APTX: variants seen among roughly 807,000 people sequenced by gnomAD.
APTX encodes forkhead-associated domain histidine triad-like protein.
In APTX, 33 loss-of-function variants were observed where a neutral mutation model predicts 42.3. The observed-to-expected ratio is 0.78, with a 90% CI of 0.59 to 1.04. The LOEUF is 1.04. APTX is among the 50% of genes least tolerant of loss of function. The pLI, the probability that APTX is intolerant of heterozygous loss-of-function variation, is 0.00. For missense variants in APTX, 421 were observed against 415.1 expected (o/e 1.01, Z -0.12); for synonymous variants, 130 against 146.7 (o/e 0.89, Z 0.82).
At chr9:33,023,715 A>C (rs933448075) in intron 1 of APTX, among the ~76,000 whole-genome samples, 9 of 152,258 alleles carry the variant, frequency 5.9e-5, no homozygotes, top group African/African-American at 2.2e-4. Flanking sequence ...CGTATATGGG[A>C]AACTGCGGAT....
chr9:32,994,291 G>A (rs529866009), intron 1 of APTX, among the ~76,000 whole-genome samples: 5 of 152,086 alleles, frequency 3.3e-5, no homozygotes, highest in Non-Finnish European at 7.4e-5. Flanking sequence ...ATAACTCCAC[G>A]TGGCTGGGGG....
chr9:32,999,301 G>C (rs1434193592), intron 1 of APTX, among the ~76,000 whole-genome samples: 1 of 152,194 alleles, frequency 6.6e-6, no homozygotes. Flanking sequence ...CAAAAGGTGA[G>C]GAAATGGAGG....
At chr9:33,025,015 T>C (rs112104275) in intron 1 of APTX, 2 of 152,468 alleles carry the variant, frequency 1.3e-5, no homozygotes, top group South Asian at 2.1e-4. Flanking sequence ...TCCTGGGCCA[T>C]GCCCCACCAG....
chr9:33,008,045 C>T (rs1211687951), intron 1 of APTX, among the ~76,000 whole-genome samples: 2 of 152,150 alleles, frequency 1.3e-5, no homozygotes, highest in East Asian at 3.8e-4. Context: ...TAATGCACTC[C>T]TCCTATTTTC....
chr9:32,994,832 G>A (rs1463112605), intron 1 of APTX, among the ~76,000 whole-genome samples: 1 of 152,166 alleles, frequency 6.6e-6, no homozygotes, highest in Non-Finnish European at 1.5e-5. Flanking sequence ...AGGGACTAAT[G>A]CAGATGGAGA....
At chr9:33,001,327 A>G in intron 1 of APTX, 1 of 1,520,406 alleles carries the variant, frequency 6.6e-7, no homozygotes, top group South Asian at 1.2e-5. Context: ...CGACCAAGGT[A>G]CATACAGGTG....
upstream of APTX, among the ~76,000 whole-genome samples, chr9:33,003,928 T>C (rs1563998356): frequency 6.6e-6 from 1 of 152,242 alleles, no homozygotes. Context: ...CATTTGGCTA[T>C]TGTGAATAAT....
upstream of APTX, among the ~76,000 whole-genome samples, chr9:33,002,948 G>A (rs1017232503): frequency 6.6e-6 from 1 of 152,196 alleles, no homozygotes; most frequent in Non-Finnish European, 1.5e-5. Flanking sequence ...CAGAGAAGAT[G>A]CAGGTTTATA....
At chr9:33,019,764 G>A (rs1404564184) in intron 1 of APTX, 1 of 595,396 alleles carries the variant, frequency 1.7e-6, no homozygotes, top group Non-Finnish European at 2.9e-6. Context: ...AGATGGTCGA[G>A]AAAGTTGATA....
intron 1 of APTX, among the ~76,000 whole-genome samples, chr9:32,993,821 C>G (rs766265559): frequency 6.6e-6 from 1 of 151,274 alleles, no homozygotes; most frequent in African/African-American, 2.4e-5. Context: ...TGGGTTCAAG[C>G]AATTCTCCTG....
At chr9:32,986,805 T>A (rs1484453664) in intron 4 of APTX, among the ~76,000 whole-genome samples, 1 of 150,716 alleles carries the variant, frequency 6.6e-6, no homozygotes, top group Non-Finnish European at 1.5e-5. Flanking sequence ...CCAGCTGTTT[T>A]TTATTATTGT....
intron 1 of APTX, among the ~76,000 whole-genome samples, chr9:32,993,340 TG>T (rs1467594066): frequency 4.6e-5 from 7 of 152,184 alleles, no homozygotes; most frequent in African/African-American, 1.7e-4. Flanking sequence ...CTTTTAGAAA[TG>T]GAGTGTTTTA....
intron 1 of APTX, among the ~76,000 whole-genome samples, chr9:32,990,710 T>C (rs1833400192): frequency 6.6e-6 from 1 of 152,148 alleles, no homozygotes; most frequent in Admixed American, 6.5e-5. Context: ...TTAAAAGGCT[T>C]CACGAGGAAG....
chr9:33,006,432 C>T (rs893407189), upstream of APTX, among the ~76,000 whole-genome samples: 1 of 152,106 alleles, frequency 6.6e-6, no homozygotes, highest in Non-Finnish European at 1.5e-5. Flanking sequence ...ACCTGTCTGG[C>T]CCCCTGAAAG....
chr9:33,010,928 G>A (rs1009306985), intron 1 of APTX, among the ~76,000 whole-genome samples: 1 of 151,994 alleles, frequency 6.6e-6, no homozygotes, highest in African/African-American at 2.4e-5. Flanking sequence ...GATTGCCTGA[G>A]CTCAGGAGTT....
rs561257515 is a variant in APTX, at chr9:33,013,578, G to A, written c.-5+11445C>T. Among the ~76,000 whole-genome samples the A allele has an allele frequency of 1.7e-3, 255 of 152,272 alleles. 2 individuals are homozygous for A. The highest frequency in any genetic ancestry group is 3.0e-3 in the Non-Finnish European group (204 of 68,022). On this transcript the variant is annotated intron_variant, in intron 1 of 6. Transcript: ENST00000436040. ...TCCCAGCACTTTGGGAGGCCAAGGC[G>A]GGCAGATCACAAGGTCAGGAGATCG...
chr9:32,992,351 G>A (rs978885668), intron 1 of APTX, among the ~76,000 whole-genome samples: 21 of 152,234 alleles, frequency 1.4e-4, no homozygotes, highest in Non-Finnish European at 2.6e-4. Flanking sequence ...AATAAGATTA[G>A]TGCGAGTATA....
upstream of APTX, chr9:33,001,684 T>G (rs1836591944): frequency 6.4e-7 from 1 of 1,565,952 alleles, no homozygotes; most frequent in Non-Finnish European, 8.7e-7. Flanking sequence ...CCAGCACCTC[T>G]CTAACGGATT....
chr9:32,994,530 T>C (rs1418867828), intron 1 of APTX, among the ~76,000 whole-genome samples: 1 of 152,232 alleles, frequency 6.6e-6, no homozygotes, highest in African/African-American at 2.4e-5. Context: ...CTCTATTACA[T>C]TTGAAAGATA....
Sources: allele counts gnomAD v4.1 joint callset (sites outside exome capture counted in the v4.1 genomes callset), GRCh38; gene constraint gnomAD v4.1.1; transcripts MANE v1.5; gene names NCBI Gene and HGNC (gene_info 2026-07-23, HGNC 2026-07-21).